SEMA3F: variants seen among roughly 807,000 people sequenced by gnomAD.
The protein encoded by SEMA3F is semaphorin 3F, also known as semaphorin-3F.
In SEMA3F, 30 loss-of-function variants were observed where a neutral mutation model predicts 98.5. That is an observed-to-expected ratio of 0.30 (90% CI 0.23 to 0.41). The LOEUF is 0.41. Among genes scored for constraint, SEMA3F ranks in the 10% least tolerant of loss-of-function variants. The pLI, the probability that SEMA3F is intolerant of heterozygous loss-of-function variation, is 1.00. For synonymous variants in SEMA3F, 380 were observed against 444.8 expected (o/e 0.85, Z 1.83); for missense variants, 866 against 1,119.3 (o/e 0.77, Z 3.23).
intron 2 of SEMA3F, among the ~76,000 whole-genome samples, chr3:50,171,543 A>C (rs920015919): frequency 6.6e-6 from 1 of 151,680 alleles, no homozygotes; most frequent in African/African-American, 2.4e-5. Context: ...AGCCCAGGGG[A>C]TGGGTAAGGG....
Position 50,182,113 on chromosome 3 carries a change from C to T in SEMA3F, c.644-171C>T, listed in dbSNP as rs948268748. Among the ~76,000 whole-genome samples, 2 of 152,196 alleles carry T rather than the reference C, an allele frequency of 1.3e-5. No homozygotes were observed. Among genetic ancestry groups the T allele is most frequent in the African/African-American group, 4.8e-5 (2 of 41,442 alleles). The stretch of plus-strand genomic sequence containing the variant: ...TAATCAGAGCTGATAGTTACTAATC[C>T]CAACCCTCCCAGAGCCAGTGGTGAA... On this transcript the variant is annotated intron_variant, in intron 7 of 18. Transcript: ENST00000002829. The surrounding 1 kb of genome is among the most constrained non-coding windows in gnomAD (Gnocchi z 4.5).
chr3:50,178,395 G>T (rs527423388), intron 7 of SEMA3F, among the ~76,000 whole-genome samples: 99 of 152,096 alleles, frequency 6.5e-4, no homozygotes, highest in African/African-American at 2.4e-3. Flanking sequence ...ATTTTGAAAG[G>T]AATCTTTTTT....
At chr3:50,164,146 C>T (rs577279388) in intron 2 of SEMA3F, among the ~76,000 whole-genome samples, 2 of 152,312 alleles carry the variant, frequency 1.3e-5, no homozygotes, top group Non-Finnish European at 2.9e-5. Context: ...TGTGGCCTTC[C>T]AGGTCAAGTG....
intron 7 of SEMA3F, among the ~76,000 whole-genome samples, chr3:50,177,904 C>T (rs905853579): frequency 2.0e-5 from 3 of 151,552 alleles, no homozygotes; most frequent in East Asian, 1.9e-4. Flanking sequence ...TATAAGTTTA[C>T]GATTAAACAT....
intron 2 of SEMA3F, among the ~76,000 whole-genome samples, chr3:50,163,455 A>G (rs942929323): frequency 6.6e-6 from 1 of 152,262 alleles, no homozygotes; most frequent in Non-Finnish European, 1.5e-5. Flanking sequence ...AGCCCAGAAC[A>G]GTGCCACCGC....
chr3:50,186,595 A>G lies in SEMA3F; in HGVS notation c.1814-18A>G. 3 of 1,579,194 alleles carry G rather than the reference A, an allele frequency of 1.9e-6. No individual in the cohort carries two copies. Among genetic ancestry groups the G allele is most frequent in the Non-Finnish European group, 2.6e-6 (3 of 1,155,170 alleles). On this transcript the variant is annotated intron_variant, in intron 17 of 18. Transcript: ENST00000002829. ...CCGGAGGTGATGCTGCTTTTGCTCA[A>G]CCCCTCTCACTCTAAAGCCAACAAG...
Position 50,182,963 on chromosome 3 carries a change from G to T in SEMA3F, c.963G>T (p.Arg321=). ...AGTGGAGCACATTCCTGAAGGCGCG[G>T]CTCGTCTGCTCTGTCCCGGGCGAGG... The part of the protein sequence containing the change: ...VNKWSTFLKA[R]LVCSVPGEDG... Residue 321 remains arginine, a synonymous_variant, in exon 10 of 19, where the codon CGG becomes CGT. Transcript: ENST00000002829. This position sits in a 1 kb window ranked among gnomAD's most constrained non-coding sequence, Gnocchi z 4.5. 1 of 1,614,010 alleles carries T rather than the reference G, an allele frequency of 6.2e-7. No homozygotes were observed. Among genetic ancestry groups the T allele is most frequent in the Non-Finnish European group, 8.5e-7 (1 of 1,180,036 alleles).
Position 50,185,600 on chromosome 3 carries a change from G to C in SEMA3F, c.1546-66G>C, listed in dbSNP as rs544836675. Reference sequence around the variant, plus strand: ...TCCCCCCAGTCCCAGCCTCTGACCTGAGACCTCTAGGTCAGGGCAGGGAGG... The same window carrying C: ...TCCCCCCAGTCCCAGCCTCTGACCTCAGACCTCTAGGTCAGGGCAGGGAGG... On this transcript the variant is annotated intron_variant, in intron 14 of 18. Transcript: ENST00000002829. 1.6e-4 allele frequency: 258 copies of C among 1,610,998 alleles called. 1 individual carries two copies. In the South Asian group the frequency reaches 2.7e-3, roughly 17 times the overall value.
intron 2 of SEMA3F, among the ~76,000 whole-genome samples, chr3:50,165,204 G>A (rs943910862): frequency 2.6e-5 from 4 of 152,254 alleles, no homozygotes; most frequent in South Asian, 4.1e-4. Context: ...TGTAGGGGAG[G>A]GAAGAGCTGG....
intron 6 of SEMA3F, among the ~76,000 whole-genome samples, chr3:50,175,658 G>T (rs991105391): frequency 6.6e-6 from 1 of 152,174 alleles, no homozygotes; most frequent in South Asian, 2.1e-4. Flanking sequence ...CTCTTCTCCC[G>T]TGTGGTATCT....
intron 7 of SEMA3F, among the ~76,000 whole-genome samples, chr3:50,177,546 G>A (rs1698859449): frequency 6.6e-6 from 1 of 152,198 alleles, no homozygotes; most frequent in Non-Finnish European, 1.5e-5. Flanking sequence ...GGGGTCAAGG[G>A]GCAGACATTA....
rs746190534 is a variant in SEMA3F, at chr3:50,182,415, C to T, written c.763+12C>T. On this transcript the variant is annotated intron_variant, in intron 8 of 18. Transcript: ENST00000002829. This position sits in a 1 kb window ranked among gnomAD's most constrained non-coding sequence, Gnocchi z 4.5. ...CCGGTGGCTGAACGGTAAGCGCAGC[C>T]CCAGGAGCCCTTCCGTGGCCATGTG... The T allele has an allele frequency of 6.2e-7, 1 of 1,613,214 alleles. No individual in the cohort carries two copies. Among genetic ancestry groups the T allele is most frequent in the Non-Finnish European group, 8.5e-7 (1 of 1,180,018 alleles).
chr3:50,171,809 G>A (rs1318343970), intron 2 of SEMA3F, among the ~76,000 whole-genome samples: 1 of 152,144 alleles, frequency 6.6e-6, no homozygotes, highest in African/African-American at 2.4e-5. Flanking sequence ...CAGAGGCGCC[G>A]CTGGACAGGC....
chr3:50,183,659 C>G, intron 12 of SEMA3F, 95 bp downstream of exon 12: 1 of 1,374,948 alleles, frequency 7.3e-7, no homozygotes, highest in Non-Finnish European at 1.0e-6. Flanking sequence ...CATCATGGCC[C>G]TCCCAGCCAG....
In SEMA3F at chr3:50,183,261, G is replaced by A. The variant is rs1464973177; in HGVS notation, c.1088+6G>A. On this transcript the variant is annotated splice_donor_region_variant and intron_variant, in intron 11 of 18. Transcript: ENST00000002829. ...GCTGTCTTTACCTCCTCTGGGTGAG[G>A]CTGGGGTCAGGGCCAGCAGTGGCAG... 1 of 1,613,926 alleles carries A rather than the reference G, an allele frequency of 6.2e-7. No homozygotes were observed. The highest frequency in any genetic ancestry group is 8.5e-7 in the Non-Finnish European group (1 of 1,179,874).
upstream of SEMA3F, chr3:50,155,066 C>G (rs527598675): frequency 3.9e-4 from 144 of 365,644 alleles, 1 homozygote; most frequent in Non-Finnish European, 6.2e-4. This position sits in a 1 kb window ranked among gnomAD's most constrained non-coding sequence, Gnocchi z 4.9. Context: ...CTGAGCGCCC[C>G]GTCCCGCCGG....
In SEMA3F at chr3:50,174,360, A is replaced by C. The variant is rs200248678; in HGVS notation, c.456+10A>C. ...CGGACGCCGCGCCCAGGTAAGCCCC[A>C]GCCACCCTGGCCCTGTGCTGCCCCC... On this transcript the variant is annotated intron_variant, in intron 5 of 18. Transcript: ENST00000002829. 11 of 1,608,538 alleles carry C rather than the reference A, an allele frequency of 6.8e-6. No individual in the cohort carries two copies. The highest frequency in any genetic ancestry group is 3.3e-5 in the Admixed American group (2 of 59,742).
chr3:50,161,008 A>G (rs1329367402), intron 2 of SEMA3F, among the ~76,000 whole-genome samples: 1 of 152,136 alleles, frequency 6.6e-6, no homozygotes, highest in Non-Finnish European at 1.5e-5. Context: ...GGAAGGTGAG[A>G]TATTTATTCT....
At chr3:50,183,315 C>T (rs1001046771) in intron 11 of SEMA3F, 60 bp downstream of exon 11, 61 of 1,603,960 alleles carry the variant, frequency 3.8e-5, no homozygotes, top group Middle Eastern at 1.6e-4. Flanking sequence ...GATTGTAACT[C>T]GTGGAGAACC....
Sources: gnomAD v4.1 joint callset for allele counts (sites outside exome capture counted in the v4.1 genomes callset) on GRCh38, gnomAD v4.1.1 for gene constraint, Gnocchi (gnomAD v3.1) non-coding constraint, MANE v1.5 for transcripts, NCBI Gene and HGNC (gene_info 2026-07-23, HGNC 2026-07-21) for gene names.